CHRNA7: variants seen among roughly 807,000 people sequenced by gnomAD.
CHRNA7 encodes neuronal acetylcholine receptor subunit alpha-7.
Under a neutral mutation model 48.0 loss-of-function variants are expected in CHRNA7, and 17 were observed. The observed-to-expected ratio is 0.35, with a 90% CI of 0.24 to 0.53. The LOEUF is 0.53. Among genes scored for constraint, CHRNA7 ranks in the 20% least tolerant of loss-of-function variants. The pLI is 0.92. For missense variants in CHRNA7, 155 were observed against 577.7 expected (o/e 0.27, Z 7.50); for synonymous variants, 75 against 242.3 (o/e 0.31, Z 6.41).
At chr15:32,076,169 T>C (rs368304999) in intron 2 of CHRNA7, among the ~76,000 whole-genome samples, 14 of 152,350 alleles carry the variant, frequency 9.2e-5, no homozygotes, top group African/African-American at 2.6e-4. Flanking sequence ...GTGTAAATTT[T>C]AGTTATATCT....
At position 32,031,044 on chromosome 15, in the gene CHRNA7, C is replaced by G; in HGVS notation, c.195+7C>G. Reference sequence around the variant, plus strand: ...CCTGCAGATCATGGACGTGGTGAGTCCCGCCTGGCTACAGGGCTGCCCTCT... The same window carrying G: ...CCTGCAGATCATGGACGTGGTGAGTGCCGCCTGGCTACAGGGCTGCCCTCT... On this transcript the variant is annotated splice_region_variant and intron_variant, in intron 2 of 9. Coordinates refer to ENST00000306901, the MANE Select transcript of CHRNA7 (RefSeq NM_000746.6). The G allele has an allele frequency of 6.2e-7, 1 of 1,614,064 alleles. No individual in the cohort carries two copies. Among genetic ancestry groups the G allele is most frequent in the African/African-American group, 1.3e-5 (1 of 75,058 alleles).
At chr15:32,094,220 G>A (rs137955155) in intron 2 of CHRNA7, among the ~76,000 whole-genome samples, 19 of 152,296 alleles carry the variant, frequency 1.2e-4, no homozygotes, top group Non-Finnish European at 2.2e-4. Context: ...CAGGATCCAA[G>A]GCTTGAAGGA....
At chr15:32,141,854 TGTC>T (rs145001279) in intron 4 of CHRNA7, among the ~76,000 whole-genome samples, 23,185 of 152,136 alleles carry the variant, frequency 0.15, 1,878 homozygotes, top group East Asian at 0.36. Flanking sequence ...TATACAATCA[TGTC>T]GTCTGCAAAC....
intron 2 of CHRNA7, among the ~76,000 whole-genome samples, chr15:32,056,694 G>A (rs2049793899): frequency 6.6e-6 from 1 of 152,106 alleles, no homozygotes; most frequent in Non-Finnish European, 1.5e-5. Context: ...CCTAAGACAG[G>A]TACTTTTAAC....
chr15:32,127,476 TTTTATTTTA>T (rs1470724172), intron 4 of CHRNA7, among the ~76,000 whole-genome samples: 1 of 152,156 alleles, frequency 6.6e-6, no homozygotes, highest in African/African-American at 2.4e-5. Flanking sequence ...TCACTATTTT[TTTTATTTTA>T]GCCACGCTAG....
At chr15:32,053,156 G>A (rs1258313741) in intron 2 of CHRNA7, among the ~76,000 whole-genome samples, 2 of 152,150 alleles carry the variant, frequency 1.3e-5, no homozygotes, top group Admixed American at 6.5e-5. Flanking sequence ...CTTTTAATCT[G>A]TATAGACTGA....
intron 2 of CHRNA7, among the ~76,000 whole-genome samples, chr15:32,036,251 A>G (rs965382463): frequency 6.6e-6 from 1 of 152,118 alleles, no homozygotes; most frequent in Non-Finnish European, 1.5e-5. Flanking sequence ...ATACTCTTTC[A>G]TGGCTTGATA....
Position 32,121,312 on chromosome 15 carries a change from T to G in CHRNA7, c.350+9413T>G, listed in dbSNP as rs181105157. ...CTAGGAAGACGCACATTCACTGCCC[T>G]CGAGGCATGTGTAATCAGTAGCAAA... On this transcript the variant is annotated intron_variant, in intron 4 of 9. Coordinates refer to ENST00000306901, the MANE Select transcript of CHRNA7 (RefSeq NM_000746.6). Among the ~76,000 whole-genome samples, 8 of 152,338 alleles carry G rather than the reference T, an allele frequency of 5.3e-5. No homozygotes were observed. In the East Asian group the frequency reaches 1.2e-3, roughly 22 times the overall value.
chr15:32,060,064 C>T (rs2049854511), intron 2 of CHRNA7, among the ~76,000 whole-genome samples: 1 of 148,266 alleles, frequency 6.7e-6, no homozygotes, highest in African/African-American at 2.5e-5. Context: ...TATGCAAAAC[C>T]AAAATCAAAC....
rs115218277 is a variant in CHRNA7, at chr15:32,134,854, G to A, written c.351-19053G>A. ...CAAAATTAAAGACAGTGGAGGCATA[G>A]AATGTCAGATGAGACACAGTTGAAG... On this transcript the variant is annotated intron_variant, in intron 4 of 9. Coordinates refer to ENST00000306901, the MANE Select transcript of CHRNA7 (RefSeq NM_000746.6). Among the ~76,000 whole-genome samples, 707 of 152,350 alleles carry A rather than the reference G, an allele frequency of 4.6e-3. 5 individuals are homozygous for A. The highest frequency in any genetic ancestry group is 0.016 in the African/African-American group (671 of 41,584).
intron 4 of CHRNA7, among the ~76,000 whole-genome samples, chr15:32,150,386 A>C (rs1270899374): frequency 1.3e-5 from 2 of 152,166 alleles, no homozygotes; most frequent in African/African-American, 4.8e-5. Context: ...TGTTGCTGCT[A>C]CTGAGGGTGA....
chr15:32,052,197 ATT>A (rs34316175), intron 2 of CHRNA7, among the ~76,000 whole-genome samples: 86,272 of 146,450 alleles, frequency 0.59, 28,967 homozygotes, highest in Non-Finnish European at 0.76. Flanking sequence ...CTTAAGCATG[ATT>A]TTTTTTTTTT....
In CHRNA7 at chr15:32,145,596, G is replaced by A. The variant is rs563870918; in HGVS notation, c.351-8311G>A. 2.6e-5 allele frequency among the ~76,000 whole-genome samples: 4 copies of A among 152,242 alleles called. No homozygotes were observed. The East Asian group carries it at 5.8e-4, about 22-fold the overall frequency. On this transcript the variant is annotated intron_variant, in intron 4 of 9. Coordinates refer to ENST00000306901, the MANE Select transcript of CHRNA7 (RefSeq NM_000746.6). ...TCCACTCAGTTCGAGCTTCCTGGCC[G>A]CTTTGTTTACCTACTCAAGCCTCAG...
chr15:32,158,293 T>TC (rs1184530278), intron 6 of CHRNA7, 119 bp from the exon 7 acceptor site: 7 of 719,880 alleles, frequency 9.7e-6, no homozygotes, highest in Non-Finnish European at 1.3e-5. Flanking sequence ...CCCCCCCTTT[T>TC]TTTTTTTTAG....
intron 3 of CHRNA7, among the ~76,000 whole-genome samples, chr15:32,108,595 C>T (rs2050710737): frequency 1.3e-5 from 2 of 152,126 alleles, no homozygotes; most frequent in South Asian, 4.1e-4. Flanking sequence ...TGGTGGGGCC[C>T]CCGGGCTCAG....
At chr15:32,102,318 T>C (rs2050587676) in intron 3 of CHRNA7, 1 of 152,150 alleles carries the variant, frequency 6.6e-6, no homozygotes, top group African/African-American at 2.4e-5. Context: ...CTAGTTTTTG[T>C]ATTTTTTAGT....
rs1040042506 is a variant in CHRNA7, at chr15:32,032,724, T to C, written c.195+1687T>C. On this transcript the variant is annotated intron_variant, in intron 2 of 9. Transcript: ENST00000306901. ...CTCTCTTGGAGTGGGTGACCCTGTA[T>C]TGCCTGGATGGGGGTGATGGTGTAG... Among the ~76,000 whole-genome samples, 6 of 152,216 alleles carry C rather than the reference T, an allele frequency of 3.9e-5. No homozygotes were observed. The South Asian group carries it at 1.2e-3, about 32-fold the overall frequency.
chr15:32,043,907 T>G (rs1378368869), intron 2 of CHRNA7, among the ~76,000 whole-genome samples: 1 of 152,204 alleles, frequency 6.6e-6, no homozygotes, highest in East Asian at 1.9e-4. Context: ...TTATATTGCC[T>G]AATTTTTGTG....
chr15:32,092,075 A>T (rs1318560689), intron 2 of CHRNA7, among the ~76,000 whole-genome samples: 5 of 151,934 alleles, frequency 3.3e-5, no homozygotes, highest in Non-Finnish European at 7.4e-5. Context: ...TTTCACTTCC[A>T]TTTCCAACTT....
Sources: allele counts gnomAD v4.1 joint callset (sites outside exome capture counted in the v4.1 genomes callset), GRCh38; gene constraint gnomAD v4.1.1; transcripts MANE v1.5; gene names NCBI Gene and HGNC (gene_info 2026-07-23, HGNC 2026-07-21).